The following CPEB2 variants were observed in gnomAD, a reference collection of about 807,000 sequenced individuals.
The protein encoded by CPEB2 is cytoplasmic polyadenylation element binding protein 2, also known as cytoplasmic polyadenylation element-binding protein 2.
A neutral mutation model predicts 93.6 loss-of-function variants in CPEB2; 56 were observed. The ratio of observed to expected loss-of-function variants is 0.60; its 90% CI spans 0.48 to 0.75. CPEB2 has a LOEUF of 0.75. Among genes scored for constraint, CPEB2 ranks in the 30% least tolerant of loss-of-function variants. The probability of loss-of-function intolerance (pLI) is 0.00; values close to 1 mark genes in which losing one functional copy is unlikely to be tolerated. For missense variants in CPEB2, 1,579 were observed against 1,395.1 expected, an observed-to-expected ratio of 1.13 and a Z score of -2.10; for synonymous variants, 764 against 586.3, an observed-to-expected ratio of 1.30 and a Z score of -4.38.
chr4:15,003,988 C>T lies in CPEB2; in HGVS notation c.1315C>T (p.Pro439Ser), dbSNP rs1396058599. ...CAGCGGCGGCTCGCTCAGCGCCATG[C>T]CGCCGCCCAGCCCCGACTCAGAGAA... ...GGSGGSLSAMPPPSPDSENGF... is the reference protein window; with the variant it reads ...GGSGGSLSAMSPPSPDSENGF... Residue 439 changes from proline to serine, a missense_variant, in exon 1 of 12, where the codon CCG becomes TCG. Coordinates refer to ENST00000538197, the MANE Select transcript of CPEB2 (RefSeq NM_001177382.2). 2.7e-6 allele frequency: 4 copies of T among 1,492,462 alleles called. No individual in the cohort carries two copies. The highest frequency in any genetic ancestry group is 4.4e-5 in the Admixed American group (2 of 45,692). 92.5% of individuals were successfully genotyped at this position (1,492,462 alleles called of 1,614,324 possible). A position where few individuals can be genotyped will look rare whatever the true frequency, so the allele number is the denominator to read the frequency against.
At chr4:15,028,081 A>G (rs928930660) in intron 4 of CPEB2, among the ~76,000 whole-genome samples, 4 of 152,306 alleles carry the variant, frequency 2.6e-5, no homozygotes, top group South Asian at 2.1e-4. Flanking sequence ...TTTAGAAACA[A>G]TTGGCAGAGC....
In CPEB2 at chr4:15,002,827, C is replaced by T; in HGVS notation, c.154C>T (p.Pro52Ser). The stretch of plus-strand genomic sequence containing the variant: ...GCCCTTCGGCCCACTGTCGCCACCA[C>T]CGTTGCCTGTCACCGGCTTCTTAGA... The part of the protein sequence containing the change: ...ATPFGPLSPP[P>S]LPVTGFLEAA... The change falls in exon 1 of 12, where the codon CCG (proline) becomes TCG (serine). Residue 52 changes from proline to serine, a missense_variant. By Grantham distance (74) the Pro-to-Ser change is moderately conservative. Around this residue, in one of 2 missense-constraint regions of CPEB2, gnomAD observed 1,411 missense variants for 1,056.0 expected, o/e 1.34. Transcript: ENST00000538197. 6.5e-7 allele frequency: 1 copy of T among 1,535,444 alleles called. No individual in the cohort carries two copies. The highest frequency in any genetic ancestry group is 1.2e-5 in the South Asian group (1 of 84,032).
intron 4 of CPEB2, among the ~76,000 whole-genome samples, chr4:15,023,787 T>C (rs1187445930): frequency 6.6e-6 from 1 of 151,766 alleles, no homozygotes; most frequent in Non-Finnish European, 1.5e-5. Flanking sequence ...TATTTGTAAA[T>C]AATATGCTTG....
At chr4:15,031,393 G>C (rs943536969) in intron 4 of CPEB2, among the ~76,000 whole-genome samples, 1 of 151,934 alleles carries the variant, frequency 6.6e-6, no homozygotes, top group African/African-American at 2.4e-5. Flanking sequence ...TCCAAAATAA[G>C]CTATAATACT....
At position 15,004,216 on chromosome 4, in the gene CPEB2, C is replaced by T; in HGVS notation, c.1543C>T (p.Pro515Ser). The change falls in exon 1 of 12, where the codon CCC (proline) becomes TCC (serine). Residue 515 changes from proline (P) to serine (S), a missense_variant. By Grantham distance (74) the Pro-to-Ser change is moderately conservative. Transcript: ENST00000538197. The stretch of plus-strand genomic sequence containing the variant: ...TATACCTCAACAGCAGCCCCCGCCG[C>T]CCGCGGCGCCGCAGCAGCCGCAGAG... The part of the protein sequence containing the change: ...MNIPQQQPPP[P>S]AAPQQPQSRR... 6.7e-7 allele frequency: 1 copy of T among 1,493,342 alleles called. No homozygotes were observed. 92.5% of individuals were successfully genotyped at this position (1,493,342 alleles called of 1,614,324 possible).
At chr4:15,058,927 T>G (rs1728950702) in intron 9 of CPEB2, among the ~76,000 whole-genome samples, 1 of 152,186 alleles carries the variant, frequency 6.6e-6, no homozygotes, top group Non-Finnish European at 1.5e-5. Flanking sequence ...GTGGAACACT[T>G]TGATCTCGAA....
chr4:15,048,836 T>C (rs1727960009), intron 6 of CPEB2, among the ~76,000 whole-genome samples: 2 of 152,096 alleles, frequency 1.3e-5, no homozygotes, highest in African/African-American at 4.8e-5. Context: ...AAAGCATGTT[T>C]AAAGTATACT....
intron 5 of CPEB2, among the ~76,000 whole-genome samples, chr4:15,037,781 G>T (rs1726771682): frequency 6.6e-6 from 1 of 152,044 alleles, no homozygotes; most frequent in South Asian, 2.1e-4. Context: ...CTTCATAAGT[G>T]TTCTTCATTT....
At chr4:15,012,977 TTAAG>T (rs1381521119) in intron 3 of CPEB2, among the ~76,000 whole-genome samples, 9 of 152,068 alleles carry the variant, frequency 5.9e-5, no homozygotes, top group Non-Finnish European at 1.0e-4. Context: ...TCTCTTGTGA[TTAAG>T]TTTGAATTCC....
At position 15,002,899 on chromosome 4, in the gene CPEB2, C is replaced by G; in HGVS notation, c.226C>G (p.Pro76Ala). ...SVPLGGGAGS[P>A]AAAASSSSPF... ...CCCCCTCGGCGGCGGCGCGGGCAGC[C>G]CGGCCGCCGCCGCTTCCTCTTCCTC... Residue 76 changes from proline to alanine, a missense_variant, in exon 1 of 12, where the codon CCG becomes GCG. Pro to Ala is a conservative substitution (Grantham distance 27, BLOSUM62 -1). Coordinates refer to ENST00000538197, the MANE Select transcript of CPEB2 (RefSeq NM_001177382.2). The G allele has an allele frequency of 6.6e-7, 1 of 1,510,894 alleles. No individual in the cohort carries two copies. Among genetic ancestry groups the G allele is most frequent in the African/African-American group, 1.4e-5 (1 of 70,356 alleles). 93.6% of individuals were successfully genotyped at this position (1,510,894 alleles called of 1,614,324 possible).
At chr4:15,045,103 A>T (rs556217383) in intron 6 of CPEB2, among the ~76,000 whole-genome samples, 38 of 152,300 alleles carry the variant, frequency 2.5e-4, no homozygotes, top group African/African-American at 8.7e-4. Context: ...TGGCTAAGCA[A>T]ATATCTTCTA....
intron 1 of CPEB2, among the ~76,000 whole-genome samples, chr4:15,004,681 C>T (rs1182219301): frequency 3.3e-5 from 5 of 151,816 alleles, no homozygotes; most frequent in African/African-American, 7.2e-5. Context: ...CGGCCGGGCG[C>T]GGCGTCTCAA....
intron 5 of CPEB2, among the ~76,000 whole-genome samples, chr4:15,038,516 G>T (rs914815923): frequency 6.6e-6 from 1 of 151,842 alleles, no homozygotes; most frequent in African/African-American, 2.4e-5. Flanking sequence ...TTCACATCCT[G>T]TGAAGTGTTT....
In CPEB2 at chr4:15,052,448, G is replaced by A; in HGVS notation, c.2235G>A (p.Leu745=). Reference sequence around the variant, plus strand: ...CCCTCTTTCCAATAGATGATGGCTTGCTTGATGATGGTCACAGTGATCAAG... The same window carrying A: ...CCCTCTTTCCAATAGATGATGGCTTACTTGATGATGGTCACAGTGATCAAG... ...RSSLFPIDDG[L]LDDGHSDQVG... Residue 745 remains leucine (L), a synonymous_variant, in exon 7 of 12, where the codon TTG becomes TTA. Transcript: ENST00000538197. 1 of 1,563,702 alleles carries A rather than the reference G, an allele frequency of 6.4e-7. No individual in the cohort carries two copies. Among genetic ancestry groups the A allele is most frequent in the Non-Finnish European group, 8.7e-7 (1 of 1,149,912 alleles).
rs373354975 is a variant in CPEB2, at chr4:15,004,597, C to T, written c.1662+262C>T. 2.3e-3 allele frequency among the ~76,000 whole-genome samples: 353 copies of T among 152,170 alleles called. 3 individuals are homozygous for T. Among genetic ancestry groups the T allele is most frequent in the South Asian group, 0.018 (88 of 4,834 alleles). ...AGTTCGCGCTGGGAGCCGCGGCTGG[C>T]CGGGCGCCCCCTCGAACGTCCCGGC... On this transcript the variant is annotated intron_variant, in intron 1 of 11. Transcript: ENST00000538197.
intron 1 of CPEB2, 68 bp downstream of exon 1, chr4:15,004,403 G>C: frequency 8.2e-7 from 1 of 1,225,284 alleles, no homozygotes; most frequent in Non-Finnish European, 1.1e-6. Context: ...GGAGGCGGGG[G>C]CAGGGCAGCC....
At chr4:15,007,281 T>A in intron 1 of CPEB2, 24 bp from the exon 2 acceptor site, 1 of 1,412,858 alleles carries the variant, frequency 7.1e-7, no homozygotes, top group Non-Finnish European at 9.3e-7. Flanking sequence ...AATGCCGCAA[T>A]TTAAATAGCT....
intron 5 of CPEB2, among the ~76,000 whole-genome samples, chr4:15,038,871 G>C (rs1442526263): frequency 6.6e-6 from 1 of 152,136 alleles, no homozygotes; most frequent in Non-Finnish European, 1.5e-5. Context: ...TTACAGGCAT[G>C]ACCACCCGTG....
intron 4 of CPEB2, among the ~76,000 whole-genome samples, chr4:15,018,969 TAC>T (rs1553853219): frequency 2.2e-5 from 3 of 139,196 alleles, no homozygotes; most frequent in South Asian, 2.2e-4. Flanking sequence ...TATATATATA[TAC>T]ACACGCACAC....
Sources: allele counts gnomAD v4.1 joint callset (sites outside exome capture counted in the v4.1 genomes callset), GRCh38; gene constraint gnomAD v4.1.1; regional missense constraint gnomAD v4.1.1; transcripts MANE v1.5; gene names NCBI Gene and HGNC (gene_info 2026-07-23, HGNC 2026-07-21).